LRP2: variants seen among roughly 807,000 people sequenced by gnomAD.
LRP2 encodes the protein low-density lipoprotein receptor-related protein 2.
In LRP2, 172 loss-of-function variants were observed where a neutral mutation model predicts 531.0. That is an observed-to-expected ratio of 0.32 (90% CI 0.29 to 0.37). The LOEUF is 0.37. Ranked by LOEUF, LRP2 falls within the 10% of genes least tolerant of loss-of-function variation. The pLI, the probability that LRP2 is intolerant of heterozygous loss-of-function variation, is 1.00. For missense variants in LRP2, 5,167 were observed against 5,868.3 expected (o/e 0.88, Z 3.90); for synonymous variants, 1,992 against 2,027.6 (o/e 0.98, Z 0.47).
chr2:169,298,622 A>G (rs1299930350), intron 4 of LRP2, among the ~76,000 whole-genome samples: 1 of 152,108 alleles, frequency 6.6e-6, no homozygotes, highest in Non-Finnish European at 1.5e-5. Flanking sequence ...GGAAGGGGGG[A>G]AGATTTTCTT....
chr2:169,247,623 C>T, intron 19 of LRP2, 108 bp from the exon 20 acceptor site: 1 of 1,149,774 alleles, frequency 8.7e-7, no homozygotes, highest in Admixed American at 1.8e-5. Context: ...GTACGATCAT[C>T]TCCCCCATAA....
chr2:169,327,761 G>T (rs571456969), intron 1 of LRP2, among the ~76,000 whole-genome samples: 18 of 117,124 alleles, frequency 1.5e-4, no homozygotes, highest in African/African-American at 5.9e-4. Context: ...GAGGTGGGGG[G>T]GTCAGCCCCC....
In LRP2 at chr2:169,188,022, T is replaced by C; in HGVS notation, c.9276A>G (p.Lys3092=). Residue 3092 remains lysine, a synonymous_variant, in exon 49 of 79, where the codon AAA becomes AAG. Coordinates refer to ENST00000649046, the MANE Select transcript of LRP2 (RefSeq NM_004525.3). ...AACAGTCATCTAGGTGGTTGCAGAG[T>C]TTCATCATCTCGATGCAGCGCCCAT... is the stretch of plus-strand genomic sequence containing the variant. ...CDNGRCIEMM[K]LCNHLDDCLD... 1 of 1,614,016 alleles carries C rather than the reference T, an allele frequency of 6.2e-7. No homozygotes were observed. Among genetic ancestry groups the C allele is most frequent in the Non-Finnish European group, 8.5e-7 (1 of 1,180,010 alleles).
In LRP2 at chr2:169,320,827, C is replaced by G. The variant is rs757970183; in HGVS notation, c.137G>C (p.Arg46Thr). 1.9e-6 allele frequency: 3 copies of G among 1,614,168 alleles called. No individual in the cohort carries two copies. In the South Asian group the frequency reaches 3.3e-5, roughly 18 times the overall value. The stretch of plus-strand genomic sequence containing the variant: ...TGAACAGTCTTTGGTCCCATCACAC[C>G]TCCAGTCTGCAGGGATGCAATGCCC... The part of the protein sequence containing the change: ...GSGHCIPADW[R>T]CDGTKDCSDD... The change falls in exon 2 of 79, where the codon AGG (arginine) becomes ACG (threonine). Residue 46 changes from arginine to threonine, a missense_variant. Physicochemically the swap from Arg to Thr is moderately conservative, Grantham distance 71 (BLOSUM62 -1). Transcript: ENST00000649046.
chr2:169,128,437 A>T lies in LRP2; in HGVS notation c.*226T>A. 4.2e-6 allele frequency: 2 copies of T among 471,420 alleles called. No individual in the cohort carries two copies. The highest frequency in any genetic ancestry group is 7.6e-6 in the Non-Finnish European group (2 of 261,970). 29.2% of individuals were successfully genotyped at this position (471,420 alleles called of 1,614,324 possible). On this transcript the variant is annotated 3_prime_UTR_variant, in exon 79 of 79. Transcript: ENST00000649046. ...ACAATATATTTATAGTATTACCTTC[A>T]GACAACTTCAGTGCAAAGATATACA...
intron 1 of LRP2, among the ~76,000 whole-genome samples, chr2:169,357,057 A>T (rs1230833768): frequency 6.6e-6 from 1 of 152,144 alleles, no homozygotes; most frequent in East Asian, 1.9e-4. Context: ...AGTGGTAAAA[A>T]TTTTTAATTA....
chr2:169,160,684 A>AAAAAAAAAAAAAAAAAAAAAAAAC (rs1459931713), intron 63 of LRP2, among the ~76,000 whole-genome samples: 12 of 98,256 alleles, frequency 1.2e-4, no homozygotes, highest in Non-Finnish European at 2.1e-4. Context: ...TATTTCCTTA[A>AAAAAAAAAAAAAAAAAAAAAAAAC]AAAAAAAAAA....
intron 1 of LRP2, among the ~76,000 whole-genome samples, chr2:169,328,483 T>G (rs910608675): frequency 3.4e-5 from 4 of 116,880 alleles, no homozygotes; most frequent in African/African-American, 1.3e-4. Context: ...AAGAAATAAA[T>G]AAATAAATAA....
chr2:169,146,114 C>G (rs1685899994), intron 69 of LRP2, among the ~76,000 whole-genome samples, 191 bp from the exon 70 acceptor site: 1 of 152,092 alleles, frequency 6.6e-6, no homozygotes, highest in Non-Finnish European at 1.5e-5. Flanking sequence ...ATTAGGAGGT[C>G]AAGAAGATAG....
intron 1 of LRP2, among the ~76,000 whole-genome samples, chr2:169,355,497 G>T (rs1021720007): frequency 6.6e-6 from 1 of 152,166 alleles, no homozygotes; most frequent in African/African-American, 2.4e-5. Context: ...TGAGTATACA[G>T]CCCAAGCCTA....
chr2:169,315,967 A>G (rs1331479818), intron 3 of LRP2, among the ~76,000 whole-genome samples: 1 of 146,792 alleles, frequency 6.8e-6, no homozygotes, highest in African/African-American at 2.5e-5. Context: ...TACAAAAAAA[A>G]AAAAAAAAAA....
rs562564007 is a variant in LRP2 at position 169,318,679 on chromosome 2, T to C, written c.310+83A>G. The C allele has an allele frequency of 1.3e-4, 204 of 1,577,016 alleles. 2 individuals are homozygous for C. In the South Asian group the frequency reaches 2.1e-3, roughly 16 times the overall value. Reference sequence around the variant, plus strand: ...CCTGCTCCACATTTATAAAGAATCATCCCATTGTGTGTAACTTCTTTGCGA... The same window carrying C: ...CCTGCTCCACATTTATAAAGAATCACCCCATTGTGTGTAACTTCTTTGCGA... On this transcript the variant is annotated intron_variant, in intron 3 of 78. Coordinates refer to ENST00000649046, the MANE Select transcript of LRP2 (RefSeq NM_004525.3).
chr2:169,130,288 C>CTTT (rs796975261), intron 77 of LRP2, among the ~76,000 whole-genome samples: 3 of 138,910 alleles, frequency 2.2e-5, no homozygotes, highest in Non-Finnish European at 4.7e-5. Context: ...AGAACTGAAT[C>CTTT]TTTTTTTTTT....
chr2:169,303,415 A>C (rs1436066912), intron 4 of LRP2, among the ~76,000 whole-genome samples: 2 of 152,122 alleles, frequency 1.3e-5, no homozygotes, highest in African/African-American at 4.8e-5. Flanking sequence ...CCTCATACCC[A>C]CCTTGCAGCA....
intron 25 of LRP2, among the ~76,000 whole-genome samples, chr2:169,240,555 A>T (rs1689766882): frequency 6.6e-6 from 1 of 152,226 alleles, no homozygotes; most frequent in African/African-American, 2.4e-5. Context: ...GAAAGAAAGA[A>T]ATGACAGTAA....
intron 22 of LRP2, among the ~76,000 whole-genome samples, chr2:169,243,918 G>A (rs1181952248): frequency 2.0e-5 from 3 of 152,188 alleles, no homozygotes; most frequent in Admixed American, 1.3e-4. Context: ...GCAACAGTGT[G>A]TAGACAGACC....
intron 25 of LRP2, chr2:169,240,749 G>A: frequency 3.4e-6 from 2 of 585,126 alleles, no homozygotes; most frequent in East Asian, 5.5e-5. Context: ...CTCATTTTTT[G>A]AAACAAAGAC....
intron 16 of LRP2, among the ~76,000 whole-genome samples, chr2:169,267,421 CA>C (rs1264747986): frequency 6.6e-6 from 1 of 152,082 alleles, no homozygotes; most frequent in African/African-American, 2.4e-5. Context: ...GACCACAAGG[CA>C]ATCAAATTAG....
intron 16 of LRP2, among the ~76,000 whole-genome samples, chr2:169,260,468 G>A (rs1690500349): frequency 6.6e-6 from 1 of 152,076 alleles, no homozygotes; most frequent in Non-Finnish European, 1.5e-5. Context: ...AGGAAGGGGT[G>A]AGTGGTCATG....
Sources: gnomAD v4.1 joint callset for allele counts (sites outside exome capture counted in the v4.1 genomes callset) on GRCh38, gnomAD v4.1.1 for gene constraint, MANE v1.5 for transcripts, NCBI Gene and HGNC (gene_info 2026-07-23, HGNC 2026-07-21) for gene names.